Variants in PAG1 observed in about 807,000 individuals in gnomAD.
PAG1 encodes the protein phosphoprotein associated with glycosphingolipid-enriched microdomains 1.
Under a neutral mutation model 31.7 loss-of-function variants are expected in PAG1, and 23 were observed. The ratio of observed to expected loss-of-function variants is 0.73; its 90% CI spans 0.52 to 1.03. The LOEUF (loss-of-function observed/expected upper bound fraction) is 1.03, where lower values mean the gene tolerates loss of function less well. Ranked by LOEUF, PAG1 falls within the 50% of genes least tolerant of loss-of-function variation. The pLI is 0.00. For synonymous variants in PAG1, 214 were observed against 210.3 expected (o/e 1.02, Z -0.15); for missense variants, 473 against 540.7 (o/e 0.87, Z 1.24).
intron 2 of PAG1, among the ~76,000 whole-genome samples, chr8:81,039,026 T>C (rs1455699668): frequency 6.6e-6 from 1 of 152,132 alleles, no homozygotes; most frequent in African/African-American, 2.4e-5. Flanking sequence ...GCCCAGTAAA[T>C]GTTAGCTACA....
rs746496989 is a variant in PAG1 at position 80,969,799 on chromosome 8, C to A, written c.*6745G>T. ...GTTTTACAAAACCAAATGAAACACC[C>A]TGGCTCCTGAAGTATGTAGAAAATG... On this transcript the variant is annotated 3_prime_UTR_variant, in exon 9 of 9. Transcript: ENST00000220597. The A allele has an allele frequency of 1.3e-5, 2 of 152,196 alleles. No individual in the cohort carries two copies. The highest frequency in any genetic ancestry group is 4.8e-5 in the African/African-American group (2 of 41,458). The allele number at this position is 152,196 out of a possible 1,614,324, so 9.4% of individuals were successfully genotyped here. A position where few individuals can be genotyped will look rare whatever the true frequency, so the allele number is the denominator to read the frequency against.
chr8:81,086,547 A>G (rs77430288), intron 1 of PAG1, among the ~76,000 whole-genome samples: 5,137 of 152,198 alleles, frequency 0.034, 304 homozygotes, highest in African/African-American at 0.12. Context: ...ATGCAATAAC[A>G]GGACATAAAA....
At chr8:81,048,880 T>C (rs1281559316) in intron 2 of PAG1, among the ~76,000 whole-genome samples, 3 of 152,190 alleles carry the variant, frequency 2.0e-5, no homozygotes, top group Non-Finnish European at 4.4e-5. Flanking sequence ...ATATATAATA[T>C]ACAGTACAAA....
chr8:81,059,274 C>CTTTTTTTTTT (rs34306813), intron 2 of PAG1, among the ~76,000 whole-genome samples: 1 of 146,730 alleles, frequency 6.8e-6, no homozygotes. Context: ...GGCAAACATT[C>CTTTTTTTTTT]TTTTTTTTTT....
chr8:81,050,999 T>C (rs186720395), intron 2 of PAG1, among the ~76,000 whole-genome samples: 1 of 152,376 alleles, frequency 6.6e-6, no homozygotes, highest in Non-Finnish European at 1.5e-5. Flanking sequence ...ATGGTGACTT[T>C]ACGTTTGTCT....
intron 1 of PAG1, among the ~76,000 whole-genome samples, chr8:81,078,251 A>G (rs192704112): frequency 6.6e-6 from 1 of 152,212 alleles, no homozygotes; most frequent in Admixed American, 6.5e-5. Context: ...CCTATTACTA[A>G]AGACATTTTG....
rs1263594563 is a variant in PAG1 at position 81,011,496 on chromosome 8, C to CT, written c.-80-18190dup. On this transcript the variant is annotated intron_variant, in intron 3 of 8. Transcript: ENST00000220597. ...CACATGGAACTGTGAGTCCATTAAA[C>CT]TTTTTTTTTTATAAGTGACCAGTCT... 6.6e-3 allele frequency among the ~76,000 whole-genome samples: 991 copies of CT among 150,228 alleles called. 14 individuals are homozygous for CT. The highest frequency in any genetic ancestry group is 0.023 in the African/African-American group (934 of 40,984).
chr8:81,033,095 G>T (rs1006471954), intron 2 of PAG1, among the ~76,000 whole-genome samples: 6 of 152,108 alleles, frequency 3.9e-5, no homozygotes, highest in Non-Finnish European at 7.4e-5. Context: ...ATTGATGGTT[G>T]CACTTTAAAT....
At chr8:81,082,522 A>G (rs949762998) in intron 1 of PAG1, among the ~76,000 whole-genome samples, 2 of 151,970 alleles carry the variant, frequency 1.3e-5, no homozygotes, top group Admixed American at 6.6e-5. Flanking sequence ...CCCTCTTCCT[A>G]TGCTTCTTAT....
intron 2 of PAG1, among the ~76,000 whole-genome samples, chr8:81,030,912 C>T (rs1027119881): frequency 5.3e-5 from 8 of 152,108 alleles, no homozygotes; most frequent in African/African-American, 1.4e-4. Flanking sequence ...AACGAACAAA[C>T]GGATGAAAGA....
At chr8:81,100,966 T>C (rs1809601619) in intron 1 of PAG1, among the ~76,000 whole-genome samples, 1 of 152,222 alleles carries the variant, frequency 6.6e-6, no homozygotes, top group Non-Finnish European at 1.5e-5. Flanking sequence ...TCATTATGAA[T>C]TGTATCTAGG....
At chr8:81,051,934 T>C (rs1808737858) in intron 2 of PAG1, among the ~76,000 whole-genome samples, 1 of 151,942 alleles carries the variant, frequency 6.6e-6, no homozygotes, top group Non-Finnish European at 1.5e-5. Flanking sequence ...ATCGAGACCG[T>C]CCTGGCTAAC....
chr8:81,102,941 T>A (rs1809631872), intron 1 of PAG1, among the ~76,000 whole-genome samples: 2 of 152,200 alleles, frequency 1.3e-5, no homozygotes, highest in African/African-American at 4.8e-5. Flanking sequence ...CTAAATTTTA[T>A]TTTTTATACA....
intron 1 of PAG1, among the ~76,000 whole-genome samples, chr8:81,093,698 C>T (rs1248790036): frequency 2.0e-5 from 3 of 151,988 alleles, no homozygotes; most frequent in Middle Eastern, 3.4e-3. Context: ...GCACAATATC[C>T]CCCTAGGGAA....
chr8:81,089,012 A>G lies in PAG1; in HGVS notation c.-233-18842T>C, dbSNP rs115240363. 8.5e-3 allele frequency among the ~76,000 whole-genome samples: 1,302 copies of G among 152,320 alleles called. 14 individuals are homozygous for G. The highest frequency in any genetic ancestry group is 0.028 in the African/African-American group (1,171 of 41,558). On this transcript the variant is annotated intron_variant, in intron 1 of 8. Coordinates refer to ENST00000220597, the MANE Select transcript of PAG1 (RefSeq NM_018440.4). ...TGCTAAATGATTTTTACAAGTGGAGATTTATCACAATGCTTTTAAGAACTG... is the reference window on the plus strand; with the variant it reads ...TGCTAAATGATTTTTACAAGTGGAGGTTTATCACAATGCTTTTAAGAACTG...
intron 1 of PAG1, among the ~76,000 whole-genome samples, chr8:81,089,251 T>C (rs1400292485): frequency 6.6e-6 from 1 of 152,202 alleles, no homozygotes; most frequent in Non-Finnish European, 1.5e-5. Flanking sequence ...ACGCTGTGCA[T>C]GCAGTGGGTT....
At chr8:81,056,708 A>G (rs1172465713) in intron 2 of PAG1, among the ~76,000 whole-genome samples, 1 of 152,228 alleles carries the variant, frequency 6.6e-6, no homozygotes, top group Non-Finnish European at 1.5e-5. Flanking sequence ...ACAAAAGCCA[A>G]AATTGACAAA....
chr8:80,996,318 G>A (rs982695696), intron 3 of PAG1, among the ~76,000 whole-genome samples: 2 of 152,204 alleles, frequency 1.3e-5, no homozygotes, highest in African/African-American at 4.8e-5. Flanking sequence ...AGTGGTGGCT[G>A]AGGGGATCTA....
At chr8:80,999,076 T>A (rs560524303) in intron 3 of PAG1, among the ~76,000 whole-genome samples, 1 of 152,170 alleles carries the variant, frequency 6.6e-6, no homozygotes, top group Non-Finnish European at 1.5e-5. Context: ...CAGGCTAAGA[T>A]GAAATAAACT....
Sources: allele counts gnomAD v4.1 joint callset (sites outside exome capture counted in the v4.1 genomes callset), GRCh38; gene constraint gnomAD v4.1.1; transcripts MANE v1.5; gene names NCBI Gene and HGNC (gene_info 2026-07-23, HGNC 2026-07-21).